Variants in ABCA9 observed in about 807,000 individuals in gnomAD.
ABCA9 encodes ATP-binding cassette sub-family A member 9.
Under a neutral mutation model 205.3 loss-of-function variants are expected in ABCA9, and 183 were observed. The observed-to-expected ratio is 0.89, with a 90% CI of 0.79 to 1.01. The LOEUF (loss-of-function observed/expected upper bound fraction) is 1.01, where lower values mean the gene tolerates loss of function less well. Among genes scored for constraint, ABCA9 ranks in the 50% least tolerant of loss-of-function variants. The probability of loss-of-function intolerance (pLI) is 0.00; values close to 1 mark genes in which losing one functional copy is unlikely to be tolerated. For missense variants in ABCA9, 1,805 were observed against 1,912.4 expected (o/e 0.94, Z 1.05); for synonymous variants, 651 against 683.3 (o/e 0.95, Z 0.74).
chr17:69,073,483 A>T, the ABCA9 span, among the ~76,000 whole-genome samples: 3 of 152,184 alleles, frequency 2.0e-5, no homozygotes, highest in African/African-American at 7.2e-5. Context: ...AAACTGAACA[A>T]CCTGCTCCTG....
chr17:68,974,766 A>G lies in ABCA9; in HGVS notation c.*1149T>C, dbSNP rs990552988. On this transcript the variant is annotated 3_prime_UTR_variant, in exon 39 of 39. Coordinates refer to ENST00000340001, the MANE Select transcript of ABCA9 (RefSeq NM_080283.4). ...CATAAGAGTATGCCCTTGCATCATA[A>G]GAAAACATATAAAAACAGAAATATG... 1.3e-5 allele frequency: 2 copies of G among 152,194 alleles called. No homozygotes were observed. Among genetic ancestry groups the G allele is most frequent in the African/African-American group, 4.8e-5 (2 of 41,418 alleles). The allele number at this position is 152,194 out of a possible 1,614,324, so 9.4% of individuals were successfully genotyped here.
chr17:68,997,515 T>C (rs1224443884), intron 25 of ABCA9, among the ~76,000 whole-genome samples: 2 of 151,968 alleles, frequency 1.3e-5, no homozygotes, highest in Admixed American at 1.3e-4. Flanking sequence ...TTGAATTCTT[T>C]ATTTCCTGGT....
Position 69,049,355 on chromosome 17 carries a change from T to G in ABCA9, c.232A>C (p.Ile78Leu). ...VDSFNDTNYV[I>L]AFAPESKTTQ... ...GTTTTGGATTCAGGTGCAAATGCAA[T>G]AACATAATTAGTATCATTAAAACTA... is the stretch of plus-strand genomic sequence containing the variant. Residue 78 changes from isoleucine (I) to leucine (L), a missense_variant, in exon 3 of 39, where the codon ATT becomes CTT. Ile to Leu is a conservative substitution (Grantham distance 5). Coordinates refer to ENST00000340001, the MANE Select transcript of ABCA9 (RefSeq NM_080283.4). 2 of 1,613,322 alleles carry G rather than the reference T, an allele frequency of 1.2e-6. No homozygotes were observed. Among genetic ancestry groups the G allele is most frequent in the Non-Finnish European group, 1.7e-6 (2 of 1,179,554 alleles).
intron 22 of ABCA9, among the ~76,000 whole-genome samples, 159 bp downstream of exon 22, chr17:69,016,094 G>A (rs28443178): frequency 0.11 from 8,440 of 74,716 alleles, 809 homozygotes; most frequent in African/African-American, 0.3. Flanking sequence ...AGATTTATAT[G>A]TGTGTGTGTA....
At chr17:68,999,099 T>A (rs562109754) in intron 25 of ABCA9, among the ~76,000 whole-genome samples, 1 of 151,640 alleles carries the variant, frequency 6.6e-6, no homozygotes, top group Admixed American at 6.6e-5. Flanking sequence ...GCTTTCTTTC[T>A]TGGCTGATAT....
chr17:69,021,449 ATTTTC>A (rs940435780), intron 18 of ABCA9, among the ~76,000 whole-genome samples: 3 of 152,100 alleles, frequency 2.0e-5, no homozygotes, highest in African/African-American at 7.2e-5. Context: ...GTGAACTCTA[ATTTTC>A]TTTTCTCTAT....
chr17:68,983,910 T>G lies in ABCA9; in HGVS notation c.4500-61A>C, dbSNP rs970282265. 5.6e-6 allele frequency: 9 copies of G among 1,609,894 alleles called. No individual in the cohort carries two copies. In the African/African-American group the frequency reaches 1.2e-4, roughly 22 times the overall value. The stretch of plus-strand genomic sequence containing the variant: ...AGAGAAAAATGTATGGCTTGTGATG[T>G]TCAGCCTCTGGAGGCCAGAGTAAGG... On this transcript the variant is annotated intron_variant, in intron 35 of 38. Transcript: ENST00000340001.
At chr17:69,009,043 A>G (rs2070271358) in intron 23 of ABCA9, among the ~76,000 whole-genome samples, 1 of 152,262 alleles carries the variant, frequency 6.6e-6, no homozygotes, top group Admixed American at 6.5e-5. Context: ...GAGGACCGTT[A>G]GAGAGCTTGC....
At chr17:69,029,615 T>C (rs895623562) in intron 10 of ABCA9, among the ~76,000 whole-genome samples, 2 of 152,154 alleles carry the variant, frequency 1.3e-5, no homozygotes, top group Non-Finnish European at 2.9e-5. Context: ...AGTAGGGCTT[T>C]GGAATCTAAT....
At chr17:69,076,815 T>A in the ABCA9 span, among the ~76,000 whole-genome samples, 2 of 152,172 alleles carry the variant, frequency 1.3e-5, no homozygotes, top group African/African-American at 2.4e-5. Flanking sequence ...TTCATAATAG[T>A]CTCAGAGGAT....
At chr17:69,024,795 G>A (rs2070928461) in intron 16 of ABCA9, among the ~76,000 whole-genome samples, 1 of 152,114 alleles carries the variant, frequency 6.6e-6, no homozygotes, top group Admixed American at 6.6e-5. Flanking sequence ...TTAAGAATGT[G>A]GCCCCATGTC....
At chr17:69,063,953 A>G (rs2072315639), upstream of ABCA9, among the ~76,000 whole-genome samples, 1 of 152,224 alleles carries the variant, frequency 6.6e-6, no homozygotes, top group Admixed American at 6.5e-5. Flanking sequence ...TTTGTGTGAT[A>G]TATTCCTGCC....
intron 30 of ABCA9, 138 bp from the exon 31 acceptor site, chr17:68,989,256 T>TCTCTCACACACACACACA (rs138281321): frequency 7.4e-5 from 18 of 242,996 alleles, no homozygotes; most frequent in South Asian, 3.9e-4. Flanking sequence ...TCTCTCTCTC[T>TCTCTCACACACACACACA]CACACACACA....
intron 6 of ABCA9, chr17:69,042,915 T>C (rs746861305): frequency 6.6e-6 from 1 of 152,508 alleles, no homozygotes; most frequent in Non-Finnish European, 1.5e-5. Context: ...GGGGAGATGG[T>C]TTTGGGATGA....
chr17:68,991,971 T>C (rs1009567309), intron 28 of ABCA9, among the ~76,000 whole-genome samples: 2 of 152,224 alleles, frequency 1.3e-5, no homozygotes, highest in East Asian at 3.8e-4. Flanking sequence ...TTTTCCAGTG[T>C]CTCGTGTGTG....
rs1287226871 is a variant in ABCA9 at position 68,974,746 on chromosome 17, G to A, written c.*1169C>T. On this transcript the variant is annotated 3_prime_UTR_variant, in exon 39 of 39. Coordinates refer to ENST00000340001, the MANE Select transcript of ABCA9 (RefSeq NM_080283.4). ...TATGAAGTTTTAATTATTTGCATAAGAGTATGCCCTTGCATCATAAGAAAA... is the reference window on the plus strand; with the variant it reads ...TATGAAGTTTTAATTATTTGCATAAAAGTATGCCCTTGCATCATAAGAAAA... 2 of 152,160 alleles carry A rather than the reference G, an allele frequency of 1.3e-5. No homozygotes were observed. Among genetic ancestry groups the A allele is most frequent in the African/African-American group, 2.4e-5 (1 of 41,426 alleles). 9.4% of individuals were successfully genotyped at this position (152,160 alleles called of 1,614,324 possible).
intron 22 of ABCA9, among the ~76,000 whole-genome samples, chr17:69,014,923 TGG>T (rs2070525547): frequency 6.6e-6 from 1 of 152,130 alleles, no homozygotes. Flanking sequence ...CAGAAGGGTC[TGG>T]GGCCAAGCTA....
In ABCA9 at chr17:69,028,544, G is replaced by A. The variant is rs776664778; in HGVS notation, c.1606C>T (p.Pro536Ser). Residue 536 changes from proline (P) to serine (S), a missense_variant, in exon 12 of 39, where the codon CCA becomes TCA. By Grantham distance (74) the Pro-to-Ser change is moderately conservative (BLOSUM62 -1). Coordinates refer to ENST00000340001, the MANE Select transcript of ABCA9 (RefSeq NM_080283.4). ...LLNILSGLSV[P>S]TSGSVTVYNH... ...ATAACTGTCTTCTTACCTGATGTTG[G>A]AACTGACAACCCACTAAGTATGTTT... The A allele has an allele frequency of 5.6e-6, 9 of 1,596,208 alleles. No homozygotes were observed. The highest frequency in any genetic ancestry group is 1.7e-5 in the Admixed American group (1 of 58,234).
chr17:69,067,875 G>A, the ABCA9 span, among the ~76,000 whole-genome samples: 6 of 152,248 alleles, frequency 3.9e-5, no homozygotes, highest in Admixed American at 1.3e-4. Context: ...GCTTCTGTTG[G>A]GGGCAGTACA....
Sources: allele counts gnomAD v4.1 joint callset (sites outside exome capture counted in the v4.1 genomes callset), GRCh38; gene constraint gnomAD v4.1.1; transcripts MANE v1.5; gene names NCBI Gene and HGNC (gene_info 2026-07-23, HGNC 2026-07-21).